ADRA1B: variants seen among roughly 807,000 people sequenced by gnomAD.
The protein encoded by ADRA1B is adrenoceptor alpha 1B.
ADRA1B carries 17 observed loss-of-function variants against 17.9 expected under a neutral mutation model. The observed-to-expected ratio is 0.95, with a 90% CI of 0.65 to 1.42. The LOEUF is 1.42. Ranked by LOEUF, ADRA1B falls within the 40% of genes most tolerant of loss-of-function variation. The pLI, the probability that ADRA1B is intolerant of heterozygous loss-of-function variation, is 0.00. For synonymous variants in ADRA1B, 366 were observed against 327.6 expected (o/e 1.12, Z -1.27); for missense variants, 681 against 722.1 (o/e 0.94, Z 0.65).
chr5:159,888,674 G>C (rs796594300), intron 1 of ADRA1B, among the ~76,000 whole-genome samples: 56 of 152,266 alleles, frequency 3.7e-4, no homozygotes, highest in African/African-American at 1.3e-3. Flanking sequence ...ACCCCTCCTA[G>C]GGCTGGAACA....
chr5:159,973,174 A>G (rs1311483210), downstream of ADRA1B, among the ~76,000 whole-genome samples: 2 of 152,166 alleles, frequency 1.3e-5, no homozygotes, highest in African/African-American at 2.4e-5. Flanking sequence ...CGTCTTGAGG[A>G]CAATTAGTGC....
At chr5:159,926,873 C>G (rs1754668518) in intron 1 of ADRA1B, among the ~76,000 whole-genome samples, 1 of 151,918 alleles carries the variant, frequency 6.6e-6, no homozygotes. Context: ...GCAGACAGAG[C>G]AAAACTCTGT....
At chr5:159,909,593 T>C (rs530230435) in intron 1 of ADRA1B, among the ~76,000 whole-genome samples, 1 of 152,382 alleles carries the variant, frequency 6.6e-6, no homozygotes, top group African/African-American at 2.4e-5. Context: ...CCCTGTTCAA[T>C]GTCAGACACA....
chr5:159,939,333 G>GCA (rs1755060628), intron 1 of ADRA1B, among the ~76,000 whole-genome samples: 2 of 120,492 alleles, frequency 1.7e-5, no homozygotes, highest in African/African-American at 2.7e-5. Context: ...GCGCGCGCGC[G>GCA]CGCACACAAT....
chr5:159,962,434 G>A (rs1473744257), intron 1 of ADRA1B, among the ~76,000 whole-genome samples: 1 of 151,940 alleles, frequency 6.6e-6, no homozygotes, highest in Non-Finnish European at 1.5e-5. Context: ...AAATCATCAG[G>A]TTTCATTTTC....
intron 1 of ADRA1B, among the ~76,000 whole-genome samples, chr5:159,953,958 G>A (rs1418379721): frequency 6.6e-6 from 1 of 152,084 alleles, no homozygotes; most frequent in African/African-American, 2.4e-5. Context: ...TCTCTCCCCG[G>A]CTGCCTCTCA....
chr5:159,975,183 A>G (rs1755953463), downstream of ADRA1B, among the ~76,000 whole-genome samples: 1 of 152,232 alleles, frequency 6.6e-6, no homozygotes, highest in South Asian at 2.1e-4. Context: ...GAAATCTGAT[A>G]TAAGATCAGC....
the ADRA1B span, among the ~76,000 whole-genome samples, chr5:159,980,316 G>A: frequency 6.6e-6 from 1 of 152,170 alleles, no homozygotes; most frequent in Non-Finnish European, 1.5e-5. Context: ...ACCCGAAAGA[G>A]GAGGAAAATG....
chr5:159,955,562 C>G (rs796589857), intron 1 of ADRA1B, among the ~76,000 whole-genome samples: 18 of 152,282 alleles, frequency 1.2e-4, no homozygotes, highest in African/African-American at 4.1e-4. Context: ...TCTTGTAGAG[C>G]CTTTCATCCT....
Position 159,951,975 on chromosome 5 carries a change from C to T in ADRA1B, c.950-19904C>T, listed in dbSNP as rs554472677. ...AGGCCCAGAACTGACTTTCACAAGG[C>T]CTGGAGATGGCAAAAGGATGACTTT... On this transcript the variant is annotated intron_variant, in intron 1 of 1. Coordinates refer to ENST00000306675, the MANE Select transcript of ADRA1B (RefSeq NM_000679.4). 1.5e-3 allele frequency among the ~76,000 whole-genome samples: 221 copies of T among 152,228 alleles called. 1 individual carries two copies. The highest frequency in any genetic ancestry group is 5.2e-3 in the African/African-American group (218 of 41,534).
At chr5:159,947,750 T>G in intron 1 of ADRA1B, 1 of 985,376 alleles carries the variant, frequency 1.0e-6, no homozygotes, top group Non-Finnish European at 1.2e-6. Flanking sequence ...AGGAAAGAAA[T>G]GAATGAGCAC....
chr5:159,951,553 C>T (rs574027939), intron 1 of ADRA1B: 9 of 565,646 alleles, frequency 1.6e-5, no homozygotes, highest in East Asian at 6.7e-5. Flanking sequence ...GTCTGTCGAA[C>T]GGGAGGAGCA....
intron 1 of ADRA1B, among the ~76,000 whole-genome samples, chr5:159,893,985 G>A (rs543853663): frequency 3.3e-5 from 5 of 152,298 alleles, no homozygotes; most frequent in South Asian, 4.1e-4. Context: ...ATCACTCTTG[G>A]AACCAAACAC....
chr5:159,913,543 T>C (rs1054269266), upstream of ADRA1B, among the ~76,000 whole-genome samples: 27 of 152,254 alleles, frequency 1.8e-4, no homozygotes, highest in African/African-American at 6.0e-4. Flanking sequence ...CTTGTCAATC[T>C]GGCTCAATAA....
chr5:159,871,725 G>A lies in ADRA1B; in HGVS notation c.-256+6519G>A, dbSNP rs183711655. Among the ~76,000 whole-genome samples the A allele has an allele frequency of 1.2e-4, 18 of 152,232 alleles. No individual in the cohort carries two copies. The South Asian group carries it at 1.7e-3, about 14-fold the overall frequency. The stretch of plus-strand genomic sequence containing the variant: ...GGTGGGGTGGGGTTAGGACTTAGAC[G>A]TATCTTTTGGAGATCTGCTATTCAA... On this transcript the variant is annotated intron_variant, in intron 1 of 2. Transcript: ENST00000641205.
intron 1 of ADRA1B, among the ~76,000 whole-genome samples, chr5:159,935,233 T>C (rs1270196382): frequency 6.6e-6 from 1 of 152,200 alleles, no homozygotes; most frequent in Admixed American, 6.5e-5. Flanking sequence ...GAGTGCCAGG[T>C]ATGATGTTCA....
chr5:159,964,651 C>A (rs1054832308), intron 1 of ADRA1B, among the ~76,000 whole-genome samples: 3 of 152,148 alleles, frequency 2.0e-5, no homozygotes, highest in South Asian at 2.1e-4. Context: ...CAGCTATGGA[C>A]CCTAACCAAG....
intron 1 of ADRA1B, among the ~76,000 whole-genome samples, chr5:159,968,641 C>T (rs1755816012): frequency 6.6e-6 from 1 of 152,138 alleles, no homozygotes; most frequent in African/African-American, 2.4e-5. Context: ...CCATCCTGGG[C>T]CCTGTGTGTC....
chr5:159,975,413 A>G (rs1410450793), downstream of ADRA1B, among the ~76,000 whole-genome samples: 1 of 152,182 alleles, frequency 6.6e-6, no homozygotes, highest in Non-Finnish European at 1.5e-5. Flanking sequence ...GGTCTAGCAA[A>G]TGGACATGAT....
Sources: gnomAD v4.1 joint callset for allele counts (sites outside exome capture counted in the v4.1 genomes callset) on GRCh38, gnomAD v4.1.1 for gene constraint, MANE v1.5 for transcripts, NCBI Gene and HGNC (gene_info 2026-07-23, HGNC 2026-07-21) for gene names.